Variants in TSNAX observed in about 807,000 individuals in gnomAD.
TSNAX encodes translin associated factor X.
A neutral mutation model predicts 33.0 loss-of-function variants in TSNAX; 12 were observed. The ratio of observed to expected loss-of-function variants is 0.36; its 90% CI spans 0.23 to 0.59. TSNAX has a LOEUF of 0.59. Ranked by LOEUF, TSNAX falls within the 20% of genes least tolerant of loss-of-function variation. The probability of loss-of-function intolerance (pLI) is 0.74; values close to 1 mark genes in which losing one functional copy is unlikely to be tolerated. For missense variants in TSNAX, 267 were observed against 341.3 expected, an observed-to-expected ratio of 0.78 and a Z score of 1.72; for synonymous variants, 110 against 117.2, an observed-to-expected ratio of 0.94 and a Z score of 0.40.
chr1:231,554,235 A>C (rs1473648360), intron 4 of TSNAX, among the ~76,000 whole-genome samples: 2 of 152,112 alleles, frequency 1.3e-5, no homozygotes, highest in Non-Finnish European at 2.9e-5. Context: ...TTGAACACTA[A>C]CCTTGTTAGA....
At chr1:231,559,570 C>T (rs952944748) in intron 4 of TSNAX, among the ~76,000 whole-genome samples, 2 of 152,226 alleles carry the variant, frequency 1.3e-5, no homozygotes, top group Non-Finnish European at 2.9e-5. Context: ...CCTCGTGACC[C>T]GCTGGCCTTG....
chr1:231,535,685 T>G (rs1303973551), intron 2 of TSNAX: 1 of 152,190 alleles, frequency 6.6e-6, no homozygotes, highest in African/African-American at 2.4e-5. Context: ...CCATTCAGCA[T>G]TAAGTGCTGA....
At chr1:231,534,097 G>T (rs1658984855) in intron 2 of TSNAX, 1 of 152,102 alleles carries the variant, frequency 6.6e-6, no homozygotes, top group Non-Finnish European at 1.5e-5. Flanking sequence ...CAATGATATT[G>T]ATTGAAGAAT....
chr1:231,549,861 A>T (rs1034936095), intron 4 of TSNAX, among the ~76,000 whole-genome samples: 4 of 152,218 alleles, frequency 2.6e-5, no homozygotes, highest in Non-Finnish European at 5.9e-5. Context: ...TCATAATAAA[A>T]TACCACAGAC....
intron 2 of TSNAX, among the ~76,000 whole-genome samples, chr1:231,530,377 G>A (rs1478222961): frequency 1.3e-5 from 2 of 152,188 alleles, no homozygotes; most frequent in African/African-American, 4.8e-5. Flanking sequence ...GGCCGTAATT[G>A]AATAAAGAGC....
intron 4 of TSNAX, among the ~76,000 whole-genome samples, chr1:231,554,024 C>T (rs553519479): frequency 6.6e-6 from 1 of 152,274 alleles, no homozygotes; most frequent in South Asian, 2.1e-4. Context: ...ATGGCCACCT[C>T]ATCTCTGAAG....
At chr1:231,562,117 CTTAAAA>C (rs1394686902) in intron 5 of TSNAX, among the ~76,000 whole-genome samples, 3 of 149,414 alleles carry the variant, frequency 2.0e-5, no homozygotes, top group Non-Finnish European at 3.0e-5. Flanking sequence ...TACCAGTACA[CTTAAAA>C]TTAAATATTT....
intron 4 of TSNAX, among the ~76,000 whole-genome samples, chr1:231,556,981 G>A (rs1252735680): frequency 4.3e-5 from 5 of 115,988 alleles, no homozygotes; most frequent in East Asian, 2.2e-4. Context: ...GAATGATGTC[G>A]TTAACATATT....
chr1:231,565,053 C>T lies in TSNAX; in HGVS notation c.*148C>T, dbSNP rs1661339427. 1.0e-6 allele frequency: 1 copy of T among 998,720 alleles called. No homozygotes were observed. 61.9% of individuals were successfully genotyped at this position (998,720 alleles called of 1,614,324 possible). A position where few individuals can be genotyped will look rare whatever the true frequency, so the allele number is the denominator to read the frequency against. ...TGTTTTAAATTGTATACAAGCTGTACATAAAATTAGCCAAATGAATCATTT... is the reference window on the plus strand; with the variant it reads ...TGTTTTAAATTGTATACAAGCTGTATATAAAATTAGCCAAATGAATCATTT... On this transcript the variant is annotated 3_prime_UTR_variant, in exon 6 of 6. Coordinates refer to ENST00000366639, the MANE Select transcript of TSNAX (RefSeq NM_005999.3).
chr1:231,561,344 TG>T lies in TSNAX; in HGVS notation c.495+90del, dbSNP rs1362658153. The stretch of plus-strand genomic sequence containing the variant: ...TAGATTTACTGGCTTATGCTAAGAT[TG>T]AGATGGGAATGTTCTTTCTAAAGTA... On this transcript the variant is annotated intron_variant, in intron 5 of 5. Coordinates refer to ENST00000366639, the MANE Select transcript of TSNAX (RefSeq NM_005999.3). 2.8e-6 allele frequency: 3 copies of T among 1,067,390 alleles called. No individual in the cohort carries two copies. The African/African-American group carries it at 5.0e-5, about 18-fold the overall frequency. The allele number at this position is 1,067,390 out of a possible 1,614,324, so 66.1% of individuals were successfully genotyped here.
chr1:231,555,350 AGTCAAAAT>A (rs1660620836), intron 4 of TSNAX, among the ~76,000 whole-genome samples: 4 of 152,204 alleles, frequency 2.6e-5, no homozygotes, highest in African/African-American at 4.8e-5. Flanking sequence ...TACCCAGAGT[AGTCAAAAT>A]CATAGAGACA....
chr1:231,531,099 C>T (rs1219908189), intron 2 of TSNAX, among the ~76,000 whole-genome samples: 1 of 151,970 alleles, frequency 6.6e-6, no homozygotes, highest in East Asian at 2.0e-4. Flanking sequence ...GCTGGGACTA[C>T]AGGCGTGTGT....
At chr1:231,541,235 G>A (rs1572113328) in intron 3 of TSNAX, among the ~76,000 whole-genome samples, 1 of 151,912 alleles carries the variant, frequency 6.6e-6, no homozygotes, top group Admixed American at 6.6e-5. Context: ...TGTAGTGATT[G>A]TTTTATGGTT....
intron 4 of TSNAX, among the ~76,000 whole-genome samples, chr1:231,560,479 G>A (rs12085139): frequency 0.062 from 7,772 of 124,824 alleles, 759 homozygotes; most frequent in African/African-American, 0.22. Flanking sequence ...CAATGGTGCG[G>A]TCTTGGCTCA....
intron 4 of TSNAX, among the ~76,000 whole-genome samples, chr1:231,560,582 T>C (rs1282933109): frequency 1.3e-5 from 2 of 151,216 alleles, no homozygotes; most frequent in Non-Finnish European, 3.0e-5. Context: ...ACCCGGCTAA[T>C]ATTTTTTGTA....
chr1:231,537,937 A>G (rs1353526640), intron 3 of TSNAX, among the ~76,000 whole-genome samples: 1 of 152,170 alleles, frequency 6.6e-6, no homozygotes, highest in Non-Finnish European at 1.5e-5. Context: ...AAATTTTAAT[A>G]TTAGATAAAT....
chr1:231,538,402 T>A (rs1201120210), intron 3 of TSNAX, among the ~76,000 whole-genome samples: 3 of 152,218 alleles, frequency 2.0e-5, no homozygotes, highest in African/African-American at 7.2e-5. Context: ...TCAGAAAAAT[T>A]AGAACTTCCC....
chr1:231,563,878 AT>A (rs1350965073), intron 5 of TSNAX, among the ~76,000 whole-genome samples: 2 of 152,110 alleles, frequency 1.3e-5, no homozygotes, highest in African/African-American at 4.8e-5. Flanking sequence ...TTGGAGAGTA[AT>A]TTGTAGCGGT....
chr1:231,540,841 T>A lies in TSNAX; in HGVS notation c.237-1640T>A, dbSNP rs144384560. Reference sequence around the variant, plus strand: ...GGTACATTAATATTTAGGATTGTTATGCATTTAATGAATTGACCCTTTATC... The same window carrying A: ...GGTACATTAATATTTAGGATTGTTAAGCATTTAATGAATTGACCCTTTATC... On this transcript the variant is annotated intron_variant, in intron 3 of 5. Transcript: ENST00000366639. Among the ~76,000 whole-genome samples, 14 of 152,340 alleles carry A rather than the reference T, an allele frequency of 9.2e-5. No individual in the cohort carries two copies. The Middle Eastern group carries it at 0.01, about 111-fold the overall frequency.
Sources: allele counts gnomAD v4.1 joint callset (sites outside exome capture counted in the v4.1 genomes callset), GRCh38; gene constraint gnomAD v4.1.1; transcripts MANE v1.5; gene names NCBI Gene and HGNC (gene_info 2026-07-23, HGNC 2026-07-21).